The following NOTCH2NLR variants were observed in gnomAD, a reference collection of about 807,000 sequenced individuals.
NOTCH2NLR encodes notch 2 N-terminal like R.
A neutral mutation model predicts 35.6 loss-of-function variants in NOTCH2NLR; 33 were observed. The ratio of observed to expected loss-of-function variants is 0.93; its 90% CI spans 0.70 to 1.24. NOTCH2NLR has a LOEUF of 1.24. NOTCH2NLR is among the 50% of genes most tolerant of loss of function. The pLI is 0.00. For missense variants in NOTCH2NLR, 276 were observed against 362.2 expected (o/e 0.76, Z 1.93); for synonymous variants, 103 against 141.0 (o/e 0.73, Z 1.91).
intron 2 of NOTCH2NLR, among the ~76,000 whole-genome samples, chr1:120,779,690 G>T (rs1226737999): frequency 8.1e-6 from 1 of 122,708 alleles, no homozygotes; most frequent in Non-Finnish European, 1.7e-5. Context: ...TTATAGATAT[G>T]TAAGGGGTGT....
At chr1:120,790,010 C>CTTTTT (rs1174501165) in intron 3 of NOTCH2NLR, among the ~76,000 whole-genome samples, 5 of 34,960 alleles carry the variant, frequency 1.4e-4, no homozygotes, top group Non-Finnish European at 2.0e-4. Flanking sequence ...TTCTGATCAC[C>CTTTTT]TTTTTTTTTT....
chr1:120,724,120 A>C (rs1309961506), exon 1 of NOTCH2NLR: 1 of 1,347,306 alleles, frequency 7.4e-7, no homozygotes, highest in Non-Finnish European at 9.6e-7. Flanking sequence ...CCCCATGTGG[A>C]TCTGCCCAGG....
chr1:120,724,008 T>A, exon 1 of NOTCH2NLR: 2 of 1,168,366 alleles, frequency 1.7e-6, no homozygotes, highest in South Asian at 4.4e-5. Context: ...GCGCGGGGAG[T>A]CGAGGCATTT....
At position 120,784,075 on chromosome 1, in the gene NOTCH2NLR, G is replaced by C. The variant is rs1318123159; in HGVS notation, c.156-899G>C. Among the ~76,000 whole-genome samples the C allele has an allele frequency of 1.7e-5, 2 of 117,142 alleles. 1 individual carries two copies. Among genetic ancestry groups the C allele is most frequent in the South Asian group, 5.0e-4 (2 of 4,024 alleles). 76.8% of individuals were successfully genotyped at this position (117,142 alleles called of 152,430 possible). Reference sequence around the variant, plus strand: ...ATTAGGCTACAGTCATAGAAGGTTAGCTGTGAAACAATAATTTGGAAAGGT... The same window carrying C: ...ATTAGGCTACAGTCATAGAAGGTTACCTGTGAAACAATAATTTGGAAAGGT... On this transcript the variant is annotated intron_variant, in intron 2 of 4. Transcript: ENST00000624419.
intron 1 of NOTCH2NLR, among the ~76,000 whole-genome samples, chr1:120,724,633 T>C (rs1650796394): frequency 8.2e-6 from 1 of 121,266 alleles, no homozygotes; most frequent in South Asian, 2.5e-4. Flanking sequence ...TCGGAGGGGC[T>C]GAGCGAAGGA....
chr1:120,758,211 C>T lies in NOTCH2NLR; in HGVS notation c.74-5417C>T, dbSNP rs1347702569. Among the ~76,000 whole-genome samples the T allele has an allele frequency of 1.6e-5, 2 of 122,034 alleles. 1 individual carries two copies. Among genetic ancestry groups the T allele is most frequent in the South Asian group, 4.9e-4 (2 of 4,082 alleles). The allele number at this position is 122,034 out of a possible 152,430, so 80.1% of individuals were successfully genotyped here. On this transcript the variant is annotated intron_variant, in intron 1 of 4. Coordinates refer to ENST00000624419, the Ensembl canonical transcript of NOTCH2NLR. ...TAATACTGGGCAGGTAAGGTAAGCT[C>T]TGATCTGGAAGGCCAGCATGGGAGC...
Position 120,779,721 on chromosome 1 carries a change from C to T in NOTCH2NLR, c.156-5253C>T. On this transcript the variant is annotated intron_variant, in intron 2 of 4. Transcript: ENST00000624419. Reference sequence around the variant, plus strand: ...GGTGTTGGGTGTTTAGCCATGTTTTCACTCTCTAACCAAATTCAACTTTAG... The same window carrying T: ...GGTGTTGGGTGTTTAGCCATGTTTTTACTCTCTAACCAAATTCAACTTTAG... Among the ~76,000 whole-genome samples the T allele has an allele frequency of 1.6e-5, 2 of 121,580 alleles. 1 individual carries two copies. The allele number at this position is 121,580 out of a possible 152,430, so 79.8% of individuals were successfully genotyped here.
rs1344816875 is a variant in NOTCH2NLR at position 120,737,802 on chromosome 1, T to C, written c.73+13552T>C. 6.7e-5 allele frequency among the ~76,000 whole-genome samples: 8 copies of C among 120,106 alleles called. 2 individuals are homozygous for C. In the South Asian group the frequency reaches 1.2e-3, roughly 19 times the overall value. 78.8% of individuals were successfully genotyped at this position (120,106 alleles called of 152,430 possible). A position where few individuals can be genotyped will look rare whatever the true frequency, so the allele number is the denominator to read the frequency against. On this transcript the variant is annotated intron_variant, in intron 1 of 4. Coordinates refer to ENST00000624419, the Ensembl canonical transcript of NOTCH2NLR. ...AGAAAAGGGCTTTATATTTTAACATTTGTTTCCCTTGACAGTTTGCTTCTT... is the reference window on the plus strand; with the variant it reads ...AGAAAAGGGCTTTATATTTTAACATCTGTTTCCCTTGACAGTTTGCTTCTT...
At chr1:120,784,258 G>T (rs1294036706) in intron 2 of NOTCH2NLR, among the ~76,000 whole-genome samples, 1 of 118,268 alleles carries the variant, frequency 8.5e-6, no homozygotes, top group Non-Finnish European at 1.6e-5. Flanking sequence ...CAAATATATG[G>T]TTCTGTACAC....
At chr1:120,726,793 G>A in intron 1 of NOTCH2NLR, among the ~76,000 whole-genome samples, 1 of 112,114 alleles carries the variant, frequency 8.9e-6, no homozygotes, top group Non-Finnish European at 1.7e-5. Context: ...GTGATTCCTA[G>A]TCTCTCTTAT....
chr1:120,756,142 C>G lies in NOTCH2NLR; in HGVS notation c.74-7486C>G, dbSNP rs1239622869. The stretch of plus-strand genomic sequence containing the variant: ...AAGTTTTGTTTGAAATTGCAGGGCG[C>G]TATGAGAATTATTGCAAATCCCTGA... On this transcript the variant is annotated intron_variant, in intron 1 of 4. Coordinates refer to ENST00000624419, the Ensembl canonical transcript of NOTCH2NLR. Among the ~76,000 whole-genome samples the G allele has an allele frequency of 2.6e-5, 3 of 113,330 alleles. 1 individual carries two copies. Among genetic ancestry groups the G allele is most frequent in the African/African-American group, 1.1e-4 (2 of 19,034 alleles). The allele number at this position is 113,330 out of a possible 152,430, so 74.3% of individuals were successfully genotyped here.
At chr1:120,776,053 G>A (rs1211318716) in intron 2 of NOTCH2NLR, among the ~76,000 whole-genome samples, 1 of 111,694 alleles carries the variant, frequency 9.0e-6, no homozygotes, top group Non-Finnish European at 1.7e-5. Flanking sequence ...GTATTTATAG[G>A]GTCTTTTTAA....
At position 120,778,489 on chromosome 1, in the gene NOTCH2NLR, T is replaced by A. The variant is rs1427585241; in HGVS notation, c.156-6485T>A. ...CGTTCCACATTCTGTATAGTTTTTTTAAAAATCATGATTTTGAAATAGCTG... is the reference window on the plus strand; with the variant it reads ...CGTTCCACATTCTGTATAGTTTTTTAAAAAATCATGATTTTGAAATAGCTG... On this transcript the variant is annotated intron_variant, in intron 2 of 4. Transcript: ENST00000624419. 6.8e-5 allele frequency among the ~76,000 whole-genome samples: 7 copies of A among 102,786 alleles called. 2 individuals are homozygous for A. The highest frequency in any genetic ancestry group is 3.8e-4 in the Admixed American group (4 of 10,520). 67.4% of individuals were successfully genotyped at this position (102,786 alleles called of 152,430 possible).
intron 1 of NOTCH2NLR, among the ~76,000 whole-genome samples, chr1:120,753,846 A>AT (rs1264718680): frequency 4.4e-5 from 2 of 45,254 alleles, no homozygotes; most frequent in Non-Finnish European, 7.0e-5. Context: ...ATATTTATAA[A>AT]TTTTTTTCCA....
intron 1 of NOTCH2NLR, among the ~76,000 whole-genome samples, chr1:120,737,740 G>A (rs1434821388): frequency 8.0e-6 from 1 of 125,558 alleles, no homozygotes; most frequent in Non-Finnish European, 1.6e-5. Flanking sequence ...TAGTGATTCA[G>A]AATTGGATTA....
rs1367182982 is a variant in NOTCH2NLR at position 120,761,175 on chromosome 1, G to C, written c.74-2453G>C. Among the ~76,000 whole-genome samples, 3 of 126,456 alleles carry C rather than the reference G, an allele frequency of 2.4e-5. No individual in the cohort carries two copies. In the South Asian group the frequency reaches 7.2e-4, roughly 30 times the overall value. 83.0% of individuals were successfully genotyped at this position (126,456 alleles called of 152,430 possible). On this transcript the variant is annotated intron_variant, in intron 1 of 4. Coordinates refer to ENST00000624419, the Ensembl canonical transcript of NOTCH2NLR. ...GCTACATATTGACTTTGGGTTGCTT[G>C]TATTTCTCTGAACCTGTCACTGTAA...
At position 120,724,160 on chromosome 1, in the gene NOTCH2NLR, G is replaced by T. The variant is rs1650787161; in HGVS notation, c.-18G>T. 7 of 1,381,710 alleles carry T rather than the reference G, an allele frequency of 5.1e-6. 1 individual carries two copies. Among genetic ancestry groups the T allele is most frequent in the Non-Finnish European group, 6.6e-6 (7 of 1,059,182 alleles). The allele number at this position is 1,381,710 out of a possible 1,614,324, so 85.6% of individuals were successfully genotyped here. A position where few individuals can be genotyped will look rare whatever the true frequency, so the allele number is the denominator to read the frequency against. ...GGCGGCGGCGGCGGCGGAGGAGGAG[G>T]AGGAGGCGACCGAGAAGATGCCCGC... On this transcript the variant is annotated 5_prime_UTR_variant, in exon 1 of 5. Coordinates refer to ENST00000624419, the Ensembl canonical transcript of NOTCH2NLR.
intron 1 of NOTCH2NLR, among the ~76,000 whole-genome samples, chr1:120,750,460 T>C (rs1651010663): frequency 9.6e-6 from 1 of 104,644 alleles, no homozygotes; most frequent in Non-Finnish European, 1.8e-5. Context: ...TCCCTGCCTA[T>C]TAGAAGCTGA....
intron 3 of NOTCH2NLR, among the ~76,000 whole-genome samples, chr1:120,788,060 T>G (rs1651442529): frequency 1.4e-5 from 1 of 71,446 alleles, no homozygotes; most frequent in South Asian, 4.0e-4. Flanking sequence ...CAAACCTTCA[T>G]TCATCCAGGC....
Sources: allele counts gnomAD v4.1 joint callset (sites outside exome capture counted in the v4.1 genomes callset), GRCh38; gene constraint gnomAD v4.1.1; transcripts MANE v1.5; gene names NCBI Gene and HGNC (gene_info 2026-07-23, HGNC 2026-07-21).